Variants in CLCN7 observed in about 807,000 individuals in gnomAD.
CLCN7 encodes Cl-/H+ antiporter 7, also known as H(+)/Cl(-) exchange transporter 7.
A neutral mutation model predicts 102.1 loss-of-function variants in CLCN7; 60 were observed. The observed-to-expected ratio is 0.59, with a 90% CI of 0.48 to 0.73. The LOEUF (loss-of-function observed/expected upper bound fraction) is 0.73, where lower values mean the gene tolerates loss of function less well. Ranked by LOEUF, CLCN7 falls within the 30% of genes least tolerant of loss-of-function variation. The pLI, the probability that CLCN7 is intolerant of heterozygous loss-of-function variation, is 0.00. For synonymous variants in CLCN7, 560 were observed against 490.5 expected (o/e 1.14, Z -1.87); for missense variants, 962 against 1,125.7 (o/e 0.85, Z 2.08).
At chr16:1,452,976 T>G (rs919785832) in intron 14 of CLCN7, 83 bp from the exon 15 acceptor site, 1 of 1,509,322 alleles carries the variant, frequency 6.6e-7, no homozygotes, top group South Asian at 1.2e-5. Flanking sequence ...GAGTCCCTGA[T>G]GGAGGACACT....
chr16:1,461,080 A>G (rs2038928869), intron 4 of CLCN7, 132 bp from the exon 5 acceptor site: 3 of 1,231,036 alleles, frequency 2.4e-6, no homozygotes, highest in Non-Finnish European at 3.3e-6. Flanking sequence ...GCTGAGTCCC[A>G]CAAAGGACAG....
intron 1 of CLCN7, chr16:1,474,299 C>A: frequency 2.3e-6 from 1 of 437,398 alleles, no homozygotes; most frequent in Non-Finnish European, 4.6e-6. Context: ...CTCCCAAGAT[C>A]ACCTGAAAGT....
chr16:1,456,136 G>A lies in CLCN7; in HGVS notation c.893C>T (p.Ser298Leu). Residue 298 changes from serine to leucine, a missense_variant, in exon 10 of 25, where the codon TCA becomes TTA. Physicochemically the swap from Ser to Leu is moderately radical, Grantham distance 145. Transcript: ENST00000382745. ...FVSAGAAAGV[S>L]AAFGAPVGGV... is the part of the protein sequence containing the mutation. ...ACCCACGGGGGCTCCAAACGCCGCTGACACTCCGGCCGCAGCCCCTGCGGA... is the reference window on the plus strand; with the variant it reads ...ACCCACGGGGGCTCCAAACGCCGCTAACACTCCGGCCGCAGCCCCTGCGGA... 6.4e-7 allele frequency: 1 copy of A among 1,561,696 alleles called. No homozygotes were observed. Among genetic ancestry groups the A allele is most frequent in the East Asian group, 2.4e-5 (1 of 41,716 alleles).
rs768049955 is a variant in CLCN7 at position 1,461,405 on chromosome 16, C to T, written c.351G>A (p.Thr117=). 3.2e-6 allele frequency: 5 copies of T among 1,549,242 alleles called. No individual in the cohort carries two copies. Among genetic ancestry groups the T allele is most frequent in the Admixed American group, 2.0e-5 (1 of 51,002 alleles). The part of the protein sequence containing the change: ...FLEEERRINH[T]AFRTVEIKRW... ...CTGCAGGGAGCGGCGTCCAGCTCACCGTGTGATTGATCCGCCGCTCCTCCT... is the reference window on the plus strand; with the variant it reads ...CTGCAGGGAGCGGCGTCCAGCTCACTGTGTGATTGATCCGCCGCTCCTCCT... The change falls in exon 4 of 25, where the codon ACG becomes ACA. Residue 117 remains threonine, a splice_region_variant and synonymous_variant. Coordinates refer to ENST00000382745, the MANE Select transcript of CLCN7 (RefSeq NM_001287.6).
Position 1,449,026 on chromosome 16 carries a change from G to A in CLCN7, c.1737C>T (p.Tyr579=), listed in dbSNP as rs761356948. 9 of 1,612,712 alleles carry A rather than the reference G, an allele frequency of 5.6e-6. No homozygotes were observed. Among genetic ancestry groups the A allele is most frequent in the South Asian group, 4.4e-5 (4 of 91,092 alleles). ...TGAGCACCAGCATGATGGGGAAGCC[G>A]TAGGTCACGTTGCTGGTGGCCTCCA... The part of the protein sequence containing the change: ...IMMEATSNVT[Y]GFPIMLVLMT... Residue 579 remains tyrosine, a synonymous_variant, in exon 19 of 25, where the codon TAC becomes TAT. Transcript: ENST00000382745.
chr16:1,454,507 G>T, intron 12 of CLCN7, 42 bp from the exon 13 acceptor site: 1 of 1,569,968 alleles, frequency 6.4e-7, no homozygotes, highest in Non-Finnish European at 8.8e-7. Context: ...TGAGGGAAAA[G>T]GCCCACAGCT....
chr16:1,470,943 G>C (rs1297032203), intron 1 of CLCN7, among the ~76,000 whole-genome samples: 1 of 152,194 alleles, frequency 6.6e-6, no homozygotes, highest in African/African-American at 2.4e-5. Flanking sequence ...TGAGACCCAA[G>C]TGTTTCTGGC....
At chr16:1,464,598 G>A (rs1407540750) in intron 2 of CLCN7, among the ~76,000 whole-genome samples, 3 of 152,352 alleles carry the variant, frequency 2.0e-5, no homozygotes, top group South Asian at 2.1e-4. Context: ...AAGAGCACCC[G>A]GACAGGTGGA....
At chr16:1,453,927 CG>C (rs781272847) in intron 13 of CLCN7, 33 bp from the exon 14 acceptor site, 726 of 1,611,234 alleles carry the variant, frequency 4.5e-4, no homozygotes, top group Non-Finnish European at 5.8e-4. Flanking sequence ...TCAGCGACAC[CG>C]GAGGAAAAGT....
At chr16:1,451,766 G>A (rs1239960425) in intron 15 of CLCN7, 50 bp from the exon 16 acceptor site, 1 of 1,496,480 alleles carries the variant, frequency 6.7e-7, no homozygotes, top group Non-Finnish European at 9.2e-7. Flanking sequence ...GAGCTGGTGG[G>A]CTGCAGGCAC....
rs1567279606 is a variant in CLCN7 at position 1,474,863 on chromosome 16, TCAG to T, written c.109_111del (p.Leu37del). 1 of 1,441,624 alleles carries T rather than the reference TCAG, an allele frequency of 6.9e-7. No individual in the cohort carries two copies. Among genetic ancestry groups the T allele is most frequent in the Admixed American group, 2.5e-5 (1 of 40,324 alleles). 89.3% of individuals were successfully genotyped at this position (1,441,624 alleles called of 1,614,324 possible). On this transcript the variant is annotated inframe_deletion, in exon 1 of 25. Coordinates refer to ENST00000382745, the MANE Select transcript of CLCN7 (RefSeq NM_001287.6). ...CGCGCAGCCCCAGGCCCAGCCCCGTTCAGCAGCGGCGTCCCCCCGCCGGGCCGC... is the reference window on the plus strand; with the variant it reads ...CGCGCAGCCCCAGGCCCAGCCCCGTTCAGCGGCGTCCCCCCGCCGGGCCGC...
intron 11 of CLCN7, 85 bp downstream of exon 11, chr16:1,455,646 G>A (rs2038823674): frequency 6.4e-6 from 9 of 1,415,256 alleles, no homozygotes; most frequent in Non-Finnish European, 9.0e-6. Flanking sequence ...GCAGCTCGAT[G>A]GGTGGCCCCA....
intron 4 of CLCN7, among the ~76,000 whole-genome samples, 197 bp from the exon 5 acceptor site, chr16:1,461,145 G>A (rs1030096286): frequency 2.6e-5 from 4 of 152,200 alleles, no homozygotes; most frequent in African/African-American, 7.2e-5. Flanking sequence ...CGGGGAGGTG[G>A]GTGAATTCCC....
chr16:1,448,125 A>G (rs2038682416), intron 21 of CLCN7, among the ~76,000 whole-genome samples: 1 of 152,132 alleles, frequency 6.6e-6, no homozygotes. Context: ...CACGGCTCTC[A>G]GCCCAGCCTG....
chr16:1,455,509 C>G, intron 11 of CLCN7: 1 of 663,264 alleles, frequency 1.5e-6, no homozygotes. Context: ...GTTTGATCCC[C>G]TACCCGGGAG....
chr16:1,473,778 A>G (rs2039111986), intron 1 of CLCN7, among the ~76,000 whole-genome samples: 2 of 152,166 alleles, frequency 1.3e-5, no homozygotes, highest in African/African-American at 4.8e-5. Context: ...AAAACGGTCC[A>G]TTAACTCAAA....
intron 1 of CLCN7, among the ~76,000 whole-genome samples, chr16:1,472,237 T>G (rs2039088322): frequency 6.6e-6 from 1 of 152,174 alleles, no homozygotes; most frequent in Non-Finnish European, 1.5e-5. Flanking sequence ...AAGGGAATAG[T>G]TTTTTTATTT....
intron 17 of CLCN7, chr16:1,449,539 A>G (rs2038709442): frequency 1.6e-6 from 1 of 608,162 alleles, no homozygotes. Flanking sequence ...GCACCCGAGC[A>G]ACAGGGGAGT....
rs1435056780 is a variant in CLCN7 at position 1,446,492 on chromosome 16, C to A, written c.*139G>T. 2.5e-6 allele frequency: 2 copies of A among 808,572 alleles called. No individual in the cohort carries two copies. Among genetic ancestry groups the A allele is most frequent in the Non-Finnish European group, 4.2e-6 (2 of 479,710 alleles). 50.1% of individuals were successfully genotyped at this position (808,572 alleles called of 1,614,324 possible). A position where few individuals can be genotyped will look rare whatever the true frequency, so the allele number is the denominator to read the frequency against. ...GAGAGGGTCAGTTCCGCGCCTGCCG[C>A]CTGCCCGCCCAGCTGCAGGGTGCTC... On this transcript the variant is annotated 3_prime_UTR_variant, in exon 25 of 25. Coordinates refer to ENST00000382745, the MANE Select transcript of CLCN7 (RefSeq NM_001287.6).
Sources: allele counts gnomAD v4.1 joint callset (sites outside exome capture counted in the v4.1 genomes callset), GRCh38; gene constraint gnomAD v4.1.1; transcripts MANE v1.5; gene names NCBI Gene and HGNC (gene_info 2026-07-23, HGNC 2026-07-21).